Variants in MAPK14 observed in about 807,000 individuals in gnomAD.
The protein encoded by MAPK14 is mitogen-activated protein kinase 14.
MAPK14 carries 16 observed loss-of-function variants against 49.6 expected under a neutral mutation model. That is an observed-to-expected ratio of 0.32 (90% CI 0.22 to 0.49). MAPK14 has a LOEUF of 0.49. Ranked by LOEUF, MAPK14 falls within the 20% of genes least tolerant of loss-of-function variation. The pLI, the probability that MAPK14 is intolerant of heterozygous loss-of-function variation, is 0.99. For synonymous variants in MAPK14, 142 were observed against 158.0 expected (o/e 0.90, Z 0.76); for missense variants, 200 against 441.2 (o/e 0.45, Z 4.90).
chr6:36,040,456 T>C (rs1762922250), intron 1 of MAPK14, among the ~76,000 whole-genome samples: 1 of 152,222 alleles, frequency 6.6e-6, no homozygotes, highest in Non-Finnish European at 1.5e-5. Context: ...GCAGAAATGC[T>C]ATACTTTCTG....
intron 2 of MAPK14, among the ~76,000 whole-genome samples, chr6:36,056,998 G>A (rs1763614974): frequency 6.6e-6 from 1 of 152,172 alleles, no homozygotes; most frequent in Admixed American, 6.5e-5. Flanking sequence ...AAGCACTATT[G>A]TGAATGAGGT....
At chr6:36,114,943 G>A (rs1251581687), downstream of MAPK14, among the ~76,000 whole-genome samples, 1 of 152,162 alleles carries the variant, frequency 6.6e-6, no homozygotes, top group Non-Finnish European at 1.5e-5. Flanking sequence ...CATCTCACGA[G>A]TTGACAGGGG....
chr6:36,029,500 T>C (rs190679123), intron 1 of MAPK14, among the ~76,000 whole-genome samples: 1 of 152,368 alleles, frequency 6.6e-6, no homozygotes, highest in Admixed American at 6.5e-5. Context: ...ATTTAACTGT[T>C]AGCTTTTTCT....
At chr6:36,058,881 TC>T (rs1454997660) in intron 2 of MAPK14, among the ~76,000 whole-genome samples, 5 of 99,608 alleles carry the variant, frequency 5.0e-5, no homozygotes, top group Non-Finnish European at 1.0e-4. Flanking sequence ...AGATCCTGAC[TC>T]TTTTTTTTTT....
At chr6:36,062,805 A>C (rs987302263) in intron 3 of MAPK14, among the ~76,000 whole-genome samples, 1 of 151,730 alleles carries the variant, frequency 6.6e-6, no homozygotes, top group Non-Finnish European at 1.5e-5. Context: ...TTACAGGCGC[A>C]CATCACCATG....
At chr6:36,064,270 G>GCCCCCCCCCCCCCCC (rs3045917) in intron 3 of MAPK14, among the ~76,000 whole-genome samples, 1 of 124,758 alleles carries the variant, frequency 8.0e-6, no homozygotes, top group South Asian at 3.2e-4. Context: ...GAGCCACCAT[G>GCCCCCCCCCCCCCCC]CCCCCCCCCA....
chr6:36,098,743 A>G (rs1581844449), intron 9 of MAPK14, among the ~76,000 whole-genome samples: 1 of 152,160 alleles, frequency 6.6e-6, no homozygotes, highest in South Asian at 2.1e-4. Context: ...TTTACATTTT[A>G]AGACCCAACT....
intron 8 of MAPK14, among the ~76,000 whole-genome samples, chr6:36,095,078 AT>A (rs1342970748): frequency 2.6e-5 from 4 of 152,188 alleles, no homozygotes; most frequent in East Asian, 1.9e-4. Context: ...ATTTTATAAT[AT>A]TTTTCCCCCT....
chr6:36,038,227 G>T (rs754760152), intron 1 of MAPK14, among the ~76,000 whole-genome samples: 2 of 152,130 alleles, frequency 1.3e-5, no homozygotes, highest in Non-Finnish European at 2.9e-5. Context: ...GGTGATATAG[G>T]ACACTGGTTG....
Position 36,107,457 on chromosome 6 carries a change from G to A in MAPK14, c.844G>A (p.Val282Ile), listed in dbSNP as rs766713239. The change falls in exon 11 of 12, where the codon GTC becomes ATC. Residue 282 changes from valine (V) to isoleucine (I), a missense_variant and splice_region_variant. By Grantham distance (29) the Val-to-Ile change is conservative. Around this residue, in one of 2 missense-constraint regions of MAPK14, gnomAD observed 170 missense variants for 407.0 expected, o/e 0.42. Transcript: ENST00000229794. The surrounding 1 kb of genome is among the most constrained non-coding windows in gnomAD (Gnocchi z 4.3). ...CTTCCTGTCTATGGTACTGATAGCT[G>A]TCGACTTGCTGGAGAAGATGCTTGT... ...NVFIGANPLAVDLLEKMLVLD... is the reference protein window; with the variant it reads ...NVFIGANPLAIDLLEKMLVLD... 5 of 1,537,328 alleles carry A rather than the reference G, an allele frequency of 3.3e-6. No homozygotes were observed. The highest frequency in any genetic ancestry group is 2.6e-5 in the South Asian group (2 of 76,866).
At position 36,096,259 on chromosome 6, in the gene MAPK14, G is replaced by C. The variant is rs851007; in HGVS notation, c.762+193G>C. 14 of 515,830 alleles carry C rather than the reference G, an allele frequency of 2.7e-5. No homozygotes were observed. The East Asian group carries it at 4.3e-4, about 16-fold the overall frequency. The allele number at this position is 515,830 out of a possible 1,614,324, so 32.0% of individuals were successfully genotyped here. ...CATGTGTGCCTGCTTGCATGCACAA[G>C]TGTGTTTTATTCTCTATCTGGGTAC... is the stretch of plus-strand genomic sequence containing the variant. On this transcript the variant is annotated intron_variant, in intron 9 of 11. Coordinates refer to ENST00000229794, the MANE Select transcript of MAPK14 (RefSeq NM_139012.3).
At position 36,069,214 on chromosome 6, in the gene MAPK14, G is replaced by A. The variant is rs1764175439; in HGVS notation, c.306-3659G>A. Among the ~76,000 whole-genome samples the A allele has an allele frequency of 2.6e-5, 4 of 152,108 alleles. No individual in the cohort carries two copies. The South Asian group carries it at 8.3e-4, about 32-fold the overall frequency. On this transcript the variant is annotated intron_variant, in intron 3 of 11. Coordinates refer to ENST00000229794, the MANE Select transcript of MAPK14 (RefSeq NM_139012.3). ...GAAACAAATACTATAGAAATTATGT[G>A]ACTCTCCATTAATGCCTCTTTTGGA...
At chr6:36,103,238 C>T (rs1765695523) in intron 10 of MAPK14, among the ~76,000 whole-genome samples, 2 of 152,108 alleles carry the variant, frequency 1.3e-5, no homozygotes, top group Admixed American at 1.3e-4. Flanking sequence ...CTTCCTATGC[C>T]TTCAAGATCC....
intron 1 of MAPK14, among the ~76,000 whole-genome samples, chr6:36,034,317 A>G (rs1762654183): frequency 6.6e-6 from 1 of 152,228 alleles, no homozygotes; most frequent in Non-Finnish European, 1.5e-5. Flanking sequence ...TAATTCCTGA[A>G]TTTATGAATC....
chr6:36,121,049 C>T, the MAPK14 span, among the ~76,000 whole-genome samples: 2 of 152,110 alleles, frequency 1.3e-5, no homozygotes, highest in East Asian at 1.9e-4. Flanking sequence ...TTGTAAGGAA[C>T]GAGGATGCCC....
At chr6:36,102,807 G>C in intron 10 of MAPK14, 158 bp downstream of exon 10, 1 of 1,342,138 alleles carries the variant, frequency 7.5e-7, no homozygotes, top group Non-Finnish European at 1.0e-6. Flanking sequence ...TGTGTTGTCA[G>C]ATTTTTTTTT....
intron 2 of MAPK14, among the ~76,000 whole-genome samples, chr6:36,055,679 C>A (rs1286199422): frequency 2.6e-5 from 4 of 151,488 alleles, no homozygotes; most frequent in Non-Finnish European, 2.9e-5. Context: ...TGCCTGTAAT[C>A]CTAGCACTTT....
At chr6:36,057,920 A>G (rs1352393054) in intron 2 of MAPK14, among the ~76,000 whole-genome samples, 1 of 152,186 alleles carries the variant, frequency 6.6e-6, no homozygotes, top group East Asian at 1.9e-4. Flanking sequence ...GGCGTATTAC[A>G]AATGAATTAT....
intron 9 of MAPK14, among the ~76,000 whole-genome samples, chr6:36,098,678 CAG>C (rs1448808332): frequency 6.6e-6 from 1 of 152,158 alleles, no homozygotes; most frequent in Non-Finnish European, 1.5e-5. Context: ...GAGACAAAGA[CAG>C]AAAATGTGCA....
Sources: allele counts gnomAD v4.1 joint callset (sites outside exome capture counted in the v4.1 genomes callset), GRCh38; gene constraint gnomAD v4.1.1; regional missense constraint gnomAD v4.1.1; non-coding constraint Gnocchi (gnomAD v3.1); transcripts MANE v1.5; gene names NCBI Gene and HGNC (gene_info 2026-07-23, HGNC 2026-07-21).